PRSS23: variants seen among roughly 807,000 people sequenced by gnomAD.
PRSS23 encodes the protein serine protease 23, also known as protease, serine 23.
A neutral mutation model predicts 34.7 loss-of-function variants in PRSS23; 25 were observed. The observed-to-expected ratio is 0.72, with a 90% CI of 0.53 to 1.01. The LOEUF is 1.01. Ranked by LOEUF, PRSS23 falls within the 50% of genes least tolerant of loss-of-function variation. The pLI is 0.00. For synonymous variants in PRSS23, 176 were observed against 186.6 expected (o/e 0.94, Z 0.46); for missense variants, 445 against 475.6 (o/e 0.94, Z 0.60).
At chr11:86,878,446 G>T (rs1328048931) in intron 2 of PRSS23, among the ~76,000 whole-genome samples, 5 of 152,160 alleles carry the variant, frequency 3.3e-5, no homozygotes, top group South Asian at 4.1e-4. Context: ...TATTTTTTTG[G>T]TGGAGACGGG....
At chr11:86,828,463 G>C (rs1164435199) in intron 2 of PRSS23, among the ~76,000 whole-genome samples, 2 of 152,208 alleles carry the variant, frequency 1.3e-5, no homozygotes, top group East Asian at 3.9e-4. Flanking sequence ...GCCAGTCTGT[G>C]TCTTTTAATT....
intron 2 of PRSS23, among the ~76,000 whole-genome samples, chr11:86,861,310 G>A (rs1022693204): frequency 4.0e-5 from 6 of 151,754 alleles, no homozygotes; most frequent in African/African-American, 7.3e-5. Flanking sequence ...ATCCGGGGGC[G>A]GAGAGGGGCA....
intron 2 of PRSS23, among the ~76,000 whole-genome samples, chr11:86,824,504 G>C (rs1948283366): frequency 6.7e-6 from 1 of 149,362 alleles, no homozygotes; most frequent in African/African-American, 2.5e-5. Flanking sequence ...TATACTTTAA[G>C]TTTTAGGGTA....
chr11:86,827,887 A>G (rs1010068942), intron 2 of PRSS23, among the ~76,000 whole-genome samples: 2 of 152,146 alleles, frequency 1.3e-5, no homozygotes, highest in Admixed American at 1.3e-4. Flanking sequence ...GATCTTTTAC[A>G]TTTGCTGAGG....
At chr11:86,947,727 G>A (rs1379680012) in intron 2 of PRSS23, 1 of 152,294 alleles carries the variant, frequency 6.6e-6, no homozygotes, top group Non-Finnish European at 1.5e-5. Context: ...CAAGCAGATG[G>A]TTCTGGCCAG....
At chr11:86,836,493 G>A (rs972723350) in intron 2 of PRSS23, among the ~76,000 whole-genome samples, 1 of 152,188 alleles carries the variant, frequency 6.6e-6, no homozygotes, top group Non-Finnish European at 1.5e-5. Flanking sequence ...CCTATGTTCA[G>A]GTGTGTAATA....
intron 1 of PRSS23, among the ~76,000 whole-genome samples, chr11:86,818,862 A>T (rs1258407855): frequency 6.6e-6 from 1 of 152,236 alleles, no homozygotes; most frequent in South Asian, 2.1e-4. Context: ...AATACATGCC[A>T]TTAATGATGG....
chr11:86,835,021 T>A (rs1199736608), intron 2 of PRSS23, among the ~76,000 whole-genome samples: 1 of 152,220 alleles, frequency 6.6e-6, no homozygotes, highest in African/African-American at 2.4e-5. Context: ...TCAAGTGGCA[T>A]AGGTTTGAGC....
chr11:86,814,872 G>A (rs976238328), downstream of PRSS23, among the ~76,000 whole-genome samples: 1 of 152,182 alleles, frequency 6.6e-6, no homozygotes, highest in African/African-American at 2.4e-5. Context: ...TTTTCTGAGA[G>A]GCAGAAAGTG....
chr11:86,901,319 C>G (rs1382140632), intron 2 of PRSS23, among the ~76,000 whole-genome samples: 1 of 152,078 alleles, frequency 6.6e-6, no homozygotes, highest in Non-Finnish European at 1.5e-5. Flanking sequence ...AGCTCTTGTC[C>G]CAGCAGAGGG....
chr11:86,836,986 T>G (rs1948410791), intron 2 of PRSS23: 1 of 152,260 alleles, frequency 6.6e-6, no homozygotes, highest in African/African-American at 2.4e-5. Context: ...AAACTCAATT[T>G]TTTTATAATT....
chr11:86,858,038 G>A (rs1299479406), intron 2 of PRSS23: 1 of 266,998 alleles, frequency 3.7e-6, no homozygotes, highest in Non-Finnish European at 7.4e-6. Flanking sequence ...CAATATCTAA[G>A]GGAGTGTACC....
intron 2 of PRSS23, among the ~76,000 whole-genome samples, chr11:86,924,022 G>A (rs989758841): frequency 1.3e-5 from 2 of 152,174 alleles, no homozygotes; most frequent in East Asian, 1.9e-4. Flanking sequence ...AGGAAGCCCC[G>A]GTGCTTCTCA....
chr11:86,822,095 T>C (rs1948256524), intron 1 of PRSS23, among the ~76,000 whole-genome samples: 1 of 152,218 alleles, frequency 6.6e-6, no homozygotes. Flanking sequence ...CAGTGAATTA[T>C]CAAGCACATA....
chr11:86,889,789 C>G (rs1156590529), intron 2 of PRSS23, among the ~76,000 whole-genome samples: 1 of 152,198 alleles, frequency 6.6e-6, no homozygotes, highest in South Asian at 2.1e-4. Flanking sequence ...TCAGAAATGT[C>G]AAATCCTGAA....
chr11:86,912,960 T>A (rs891441451), intron 2 of PRSS23, among the ~76,000 whole-genome samples: 7 of 152,242 alleles, frequency 4.6e-5, no homozygotes, highest in African/African-American at 1.7e-4. Context: ...CTAAATTCAA[T>A]CTCTATCTCT....
At chr11:86,830,297 G>T (rs1010630098) in intron 2 of PRSS23, among the ~76,000 whole-genome samples, 24 of 152,200 alleles carry the variant, frequency 1.6e-4, no homozygotes, top group African/African-American at 5.1e-4. Context: ...CTCCGAGCCA[G>T]GTGCGGGATA....
chr11:86,873,882 AT>A (rs780037524), intron 2 of PRSS23, among the ~76,000 whole-genome samples: 3 of 152,198 alleles, frequency 2.0e-5, no homozygotes, highest in Non-Finnish European at 4.4e-5. Flanking sequence ...ACTAAGTTGC[AT>A]CAGAGCTCTT....
chr11:86,910,422 C>A (rs982419466), intron 2 of PRSS23: 1 of 152,048 alleles, frequency 6.6e-6, no homozygotes, highest in Non-Finnish European at 1.5e-5. Context: ...AAAAATTAGT[C>A]CAGAATTGTT....
Sources: gnomAD v4.1 joint callset for allele counts (sites outside exome capture counted in the v4.1 genomes callset) on GRCh38, gnomAD v4.1.1 for gene constraint, MANE v1.5 for transcripts, NCBI Gene and HGNC (gene_info 2026-07-23, HGNC 2026-07-21) for gene names.